Variants in ATP8B4 observed in about 807,000 individuals in gnomAD.
The protein encoded by ATP8B4 is ATPase phospholipid transporting 8B4 (putative).
Under a neutral mutation model 145.6 loss-of-function variants are expected in ATP8B4, and 133 were observed. The ratio of observed to expected loss-of-function variants is 0.91; its 90% CI spans 0.79 to 1.05. The LOEUF is 1.05. ATP8B4 is among the 50% of genes least tolerant of loss of function. The pLI is 0.00. For synonymous variants in ATP8B4, 507 were observed against 492.9 expected (o/e 1.03, Z -0.38); for missense variants, 1,458 against 1,425.2 (o/e 1.02, Z -0.37).
intron 14 of ATP8B4, among the ~76,000 whole-genome samples, chr15:49,950,096 A>G (rs2042932463): frequency 6.6e-6 from 1 of 152,174 alleles, no homozygotes; most frequent in South Asian, 2.1e-4. Context: ...ATCGATATTC[A>G]TCAGGGATAT....
At chr15:50,085,413 T>C (rs1395726805) in intron 2 of ATP8B4, among the ~76,000 whole-genome samples, 1 of 152,120 alleles carries the variant, frequency 6.6e-6, no homozygotes, top group African/African-American at 2.4e-5. Context: ...TGCAACTACA[T>C]GAGTTTGTGT....
intron 25 of ATP8B4, among the ~76,000 whole-genome samples, chr15:49,869,242 T>C (rs1005679302): frequency 6.6e-6 from 1 of 150,830 alleles, no homozygotes; most frequent in African/African-American, 2.4e-5. Context: ...CCATAATTAA[T>C]GCATACAAGT....
At chr15:50,094,451 C>T (rs1475344999) in intron 2 of ATP8B4, among the ~76,000 whole-genome samples, 2 of 151,412 alleles carry the variant, frequency 1.3e-5, no homozygotes, top group Non-Finnish European at 2.9e-5. Flanking sequence ...TCATATGAGG[C>T]AAATCCATAT....
At chr15:50,102,780 A>G (rs534442516) in intron 2 of ATP8B4, among the ~76,000 whole-genome samples, 385 of 112,920 alleles carry the variant, frequency 3.4e-3, no homozygotes, top group African/African-American at 0.012. Flanking sequence ...CCAGGGATGG[A>G]CATAACAAAA....
At chr15:49,974,827 C>A (rs1407894248) in intron 12 of ATP8B4, among the ~76,000 whole-genome samples, 1 of 152,136 alleles carries the variant, frequency 6.6e-6, no homozygotes, top group African/African-American at 2.4e-5. Flanking sequence ...ACAATCAATC[C>A]TTTCTCCATT....
At chr15:49,980,446 A>G (rs1445134010) in intron 11 of ATP8B4, among the ~76,000 whole-genome samples, 1 of 152,194 alleles carries the variant, frequency 6.6e-6, no homozygotes, top group Non-Finnish European at 1.5e-5. Flanking sequence ...AGTATTACAC[A>G]AAGACTAGAT....
At chr15:49,863,105 A>C (rs988611091) in intron 26 of ATP8B4, among the ~76,000 whole-genome samples, 8 of 152,244 alleles carry the variant, frequency 5.3e-5, no homozygotes, top group Non-Finnish European at 8.8e-5. Flanking sequence ...TTGGCTTGTC[A>C]TAAAAGGGGA....
At chr15:49,863,672 C>A (rs917634950) in intron 26 of ATP8B4, among the ~76,000 whole-genome samples, 7 of 152,108 alleles carry the variant, frequency 4.6e-5, no homozygotes, top group African/African-American at 1.4e-4. Context: ...ATTCCAGTTG[C>A]CTTCAGCCAT....
At chr15:50,096,042 G>C (rs1567352465) in intron 2 of ATP8B4, among the ~76,000 whole-genome samples, 1 of 152,154 alleles carries the variant, frequency 6.6e-6, no homozygotes, top group Non-Finnish European at 1.5e-5. Flanking sequence ...AGTTTTAAAA[G>C]TTATCTCCAT....
intron 23 of ATP8B4, among the ~76,000 whole-genome samples, chr15:49,891,342 T>C (rs2036770052): frequency 6.6e-6 from 1 of 152,008 alleles, no homozygotes; most frequent in African/African-American, 2.4e-5. Flanking sequence ...TTTGTTTGCT[T>C]TGAGATGGAG....
intron 1 of ATP8B4, among the ~76,000 whole-genome samples, chr15:50,143,233 T>G (rs932392612): frequency 2.6e-5 from 4 of 152,228 alleles, no homozygotes; most frequent in Non-Finnish European, 5.9e-5. Context: ...CAATATAGTG[T>G]CTGTGGGTCA....
rs538830963 is a variant in ATP8B4 at position 49,945,688 on chromosome 15, T to C, written c.1288-11506A>G. On this transcript the variant is annotated intron_variant, in intron 14 of 27. Coordinates refer to ENST00000284509, the MANE Select transcript of ATP8B4 (RefSeq NM_024837.4). ...ATTTATTCCTGGGATTGAAGGATGA[T>C]TCAACATACAAAAATCAATATGAAA... 1.0e-3 allele frequency among the ~76,000 whole-genome samples: 154 copies of C among 152,280 alleles called. 1 individual carries two copies. Among genetic ancestry groups the C allele is most frequent in the African/African-American group, 3.6e-3 (148 of 41,562 alleles).
intron 7 of ATP8B4, among the ~76,000 whole-genome samples, chr15:50,007,767 A>T (rs1348611097): frequency 6.6e-6 from 1 of 152,062 alleles, no homozygotes; most frequent in Non-Finnish European, 1.5e-5. Flanking sequence ...GAGTGCAGGG[A>T]GATATATTAG....
chr15:50,101,856 C>T (rs2056374724), intron 2 of ATP8B4, among the ~76,000 whole-genome samples: 1 of 152,074 alleles, frequency 6.6e-6, no homozygotes, highest in African/African-American at 2.4e-5. Flanking sequence ...AAACAAGTCT[C>T]AACAAATTTA....
intron 20 of ATP8B4, among the ~76,000 whole-genome samples, chr15:49,915,430 T>C (rs1220969238): frequency 1.3e-5 from 2 of 152,076 alleles, no homozygotes; most frequent in Non-Finnish European, 2.9e-5. Context: ...AACCATGTAT[T>C]GTATATTTCA....
At chr15:50,114,542 C>G (rs1168460876) in intron 1 of ATP8B4, 2 of 152,506 alleles carry the variant, frequency 1.3e-5, no homozygotes, top group Non-Finnish European at 2.9e-5. Flanking sequence ...TTCTCTCAAC[C>G]CTGCTTTGGC....
At chr15:50,090,474 C>T (rs867806246) in intron 2 of ATP8B4, among the ~76,000 whole-genome samples, 2 of 152,162 alleles carry the variant, frequency 1.3e-5, no homozygotes, top group African/African-American at 4.8e-5. Flanking sequence ...ATTAGTGCCA[C>T]CCCTGTCAAA....
intron 10 of ATP8B4, among the ~76,000 whole-genome samples, chr15:49,983,258 G>C (rs1004692148): frequency 6.6e-6 from 1 of 152,042 alleles, no homozygotes; most frequent in Non-Finnish European, 1.5e-5. Context: ...ATTTCCACCT[G>C]GATTCTTCTA....
intron 9 of ATP8B4, among the ~76,000 whole-genome samples, chr15:49,994,835 T>G (rs1265340002): frequency 6.6e-6 from 1 of 152,144 alleles, no homozygotes; most frequent in Non-Finnish European, 1.5e-5. Context: ...GTATTCATAC[T>G]TGTTATTTCC....
Sources: gnomAD v4.1 joint callset for allele counts (sites outside exome capture counted in the v4.1 genomes callset) on GRCh38, gnomAD v4.1.1 for gene constraint, MANE v1.5 for transcripts, NCBI Gene and HGNC (gene_info 2026-07-23, HGNC 2026-07-21) for gene names.